PTPRD: variants seen among roughly 807,000 people sequenced by gnomAD.
The protein encoded by PTPRD is protein tyrosine phosphatase receptor type D.
A neutral mutation model predicts 214.5 loss-of-function variants in PTPRD; 34 were observed. The ratio of observed to expected loss-of-function variants is 0.16; its 90% confidence interval spans 0.12 to 0.21. The LOEUF (loss-of-function observed/expected upper bound fraction) is 0.21. Among genes scored for constraint, PTPRD ranks in the 10% least tolerant of loss-of-function variants. PTPRD has a pLI of 1.00. For synonymous variants in PTPRD, 1,128 were observed against 845.7 expected (o/e 1.33, Z -5.79); for missense variants, 2,545 against 2,398.7 (o/e 1.06, Z -1.27).
intron 2 of PTPRD, among the ~76,000 whole-genome samples, chr9:10,393,698 AATATATATAAT>A (rs2098115821): frequency 6.8e-6 from 1 of 146,814 alleles, no homozygotes; most frequent in Non-Finnish European, 1.5e-5. Flanking sequence ...ATATATATAT[AATATATATAAT>A]ATATATATAA....
At position 9,290,148 on chromosome 9, in the gene PTPRD, A is replaced by G. The variant is rs540735020; in HGVS notation, c.-202-106785T>C. 2.0e-3 allele frequency among the ~76,000 whole-genome samples: 300 copies of G among 151,842 alleles called. 1 individual carries two copies. Among genetic ancestry groups the G allele is most frequent in the Non-Finnish European group, 3.3e-3 (227 of 67,810 alleles). Reference sequence around the variant, plus strand: ...ACCTCTTGTCTTTTTCATAATAGCCATTCAAACAGATGTGAGGTGATACCT... The same window carrying G: ...ACCTCTTGTCTTTTTCATAATAGCCGTTCAAACAGATGTGAGGTGATACCT... On this transcript the variant is annotated intron_variant, in intron 9 of 45. Coordinates refer to ENST00000381196, the MANE Select transcript of PTPRD (RefSeq NM_002839.4).
intron 11 of PTPRD, among the ~76,000 whole-genome samples, chr9:9,002,961 T>C (rs1435700998): frequency 1.3e-5 from 2 of 152,018 alleles, no homozygotes; most frequent in Non-Finnish European, 2.9e-5. Context: ...TTCAACAATT[T>C]TGTGAGTGGG....
intron 5 of PTPRD, among the ~76,000 whole-genome samples, chr9:9,834,509 A>G (rs2056127910): frequency 6.6e-6 from 1 of 151,754 alleles, no homozygotes; most frequent in Admixed American, 6.6e-5. Context: ...TCTCCAATTC[A>G]CCCTGTGTTT....
intron 3 of PTPRD, among the ~76,000 whole-genome samples, chr9:10,215,590 T>G (rs1045238927): frequency 1.3e-5 from 2 of 152,008 alleles, no homozygotes; most frequent in African/African-American, 4.8e-5. Flanking sequence ...TAATTTGATA[T>G]TATCTAGTTA....
At chr9:9,027,233 C>A (rs374667728) in intron 10 of PTPRD, among the ~76,000 whole-genome samples, 1 of 151,682 alleles carries the variant, frequency 6.6e-6, no homozygotes, top group Admixed American at 6.6e-5. Flanking sequence ...GAATTTGTTC[C>A]CCCACAAGGC....
intron 2 of PTPRD, among the ~76,000 whole-genome samples, chr9:10,462,126 G>C (rs889862518): frequency 6.6e-5 from 10 of 152,066 alleles, no homozygotes; most frequent in Non-Finnish European, 1.5e-4. Context: ...TTATATACAG[G>C]AGTTTTGGTA....
At chr9:10,152,770 A>G (rs2099069533) in intron 3 of PTPRD, among the ~76,000 whole-genome samples, 1 of 152,198 alleles carries the variant, frequency 6.6e-6, no homozygotes, top group East Asian at 1.9e-4. Context: ...GGTTGTGGTG[A>G]GCCAAGATCG....
In PTPRD at chr9:9,363,423, A is replaced by C. The variant is rs117069106; in HGVS notation, c.-203+34026T>G. 9.8e-3 allele frequency among the ~76,000 whole-genome samples: 1,491 copies of C among 151,478 alleles called. 9 individuals are homozygous for C. The highest frequency in any genetic ancestry group is 0.017 in the Non-Finnish European group (1,123 of 67,550). On this transcript the variant is annotated intron_variant, in intron 9 of 45. Coordinates refer to ENST00000381196, the MANE Select transcript of PTPRD (RefSeq NM_002839.4). ...AACAAATGGATTCTCAAACATTTCT[A>C]TCTCTATTTTACTTAGAAATTAACT...
chr9:10,219,142 A>C (rs1394808097), intron 3 of PTPRD, among the ~76,000 whole-genome samples: 2 of 151,918 alleles, frequency 1.3e-5, no homozygotes, highest in East Asian at 3.9e-4. Flanking sequence ...GATCTGATAG[A>C]CATCTTCATT....
intron 11 of PTPRD, among the ~76,000 whole-genome samples, chr9:8,775,122 C>T (rs1016636521): frequency 2.0e-5 from 3 of 152,040 alleles, no homozygotes; most frequent in Admixed American, 6.6e-5. Flanking sequence ...AACTTTGAAT[C>T]AATTAATTGT....
chr9:10,506,256 CA>C (rs1340576281), intron 2 of PTPRD, among the ~76,000 whole-genome samples: 1 of 151,904 alleles, frequency 6.6e-6, no homozygotes, highest in Non-Finnish European at 1.5e-5. Flanking sequence ...AAAAGATGTG[CA>C]AAAATAGTAT....
chr9:9,635,225 T>A (rs1000467358), intron 7 of PTPRD, among the ~76,000 whole-genome samples: 11 of 152,174 alleles, frequency 7.2e-5, no homozygotes, highest in Non-Finnish European at 1.3e-4. Flanking sequence ...AACCCCCTTA[T>A]GTCTGAGGGA....
At chr9:8,973,104 G>T (rs2099248511) in intron 11 of PTPRD, among the ~76,000 whole-genome samples, 1 of 151,750 alleles carries the variant, frequency 6.6e-6, no homozygotes, top group African/African-American at 2.4e-5. Context: ...AAAATATTCA[G>T]CTTTGATTTT....
intron 18 of PTPRD, among the ~76,000 whole-genome samples, chr9:8,524,108 G>C (rs995290653): frequency 6.6e-5 from 10 of 151,354 alleles, no homozygotes; most frequent in African/African-American, 2.4e-4. Context: ...CTGGCTTTGA[G>C]AACTCTCGGG....
intron 23 of PTPRD, among the ~76,000 whole-genome samples, chr9:8,501,440 A>G (rs1167336030): frequency 6.6e-6 from 1 of 152,146 alleles, no homozygotes; most frequent in Non-Finnish European, 1.5e-5. Context: ...AAATAGTGCT[A>G]GTATTTACTT....
intron 8 of PTPRD, among the ~76,000 whole-genome samples, chr9:9,453,343 G>T (rs1241700285): frequency 1.3e-5 from 2 of 150,040 alleles, no homozygotes; most frequent in Non-Finnish European, 3.0e-5. Context: ...AAGTAAAACA[G>T]AATTATTTAG....
chr9:9,550,957 G>T (rs1486102771), intron 8 of PTPRD, among the ~76,000 whole-genome samples: 2 of 151,866 alleles, frequency 1.3e-5, no homozygotes, highest in Admixed American at 6.6e-5. Flanking sequence ...ATGTTGGCAA[G>T]TAGAGAAACT....
At chr9:9,962,579 T>A (rs1352393177) in intron 4 of PTPRD, among the ~76,000 whole-genome samples, 1 of 152,060 alleles carries the variant, frequency 6.6e-6, no homozygotes, top group Non-Finnish European at 1.5e-5. Flanking sequence ...CCGTTGCCCT[T>A]TTTTTCTACA....
intron 9 of PTPRD, among the ~76,000 whole-genome samples, chr9:9,236,994 G>A: frequency 6.6e-6 from 1 of 152,056 alleles, no homozygotes; most frequent in Admixed American, 6.6e-5. Flanking sequence ...GTTTTTGTCT[G>A]GAATTACTTG....
Sources: allele counts gnomAD v4.1 joint callset (sites outside exome capture counted in the v4.1 genomes callset), GRCh38; gene constraint gnomAD v4.1.1; transcripts MANE v1.5; gene names NCBI Gene and HGNC (gene_info 2026-07-23, HGNC 2026-07-21).